UNC5A: variants seen among roughly 807,000 people sequenced by gnomAD.
The protein encoded by UNC5A is netrin receptor UNC5A.
A neutral mutation model predicts 87.4 loss-of-function variants in UNC5A; 20 were observed. The observed-to-expected ratio is 0.23, with a 90% CI of 0.16 to 0.33. The LOEUF (loss-of-function observed/expected upper bound fraction) is 0.33. Ranked by LOEUF, UNC5A falls within the 10% of genes least tolerant of loss-of-function variation. The probability of loss-of-function intolerance (pLI) is 1.00; values close to 1 mark genes in which losing one functional copy is unlikely to be tolerated. For synonymous variants in UNC5A, 438 were observed against 482.3 expected, an observed-to-expected ratio of 0.91 and a Z score of 1.20; for missense variants, 844 against 1,133.4, an observed-to-expected ratio of 0.74 and a Z score of 3.67.
chr5:176,830,406 T>C (rs374627101), intron 1 of UNC5A, among the ~76,000 whole-genome samples: 3 of 147,430 alleles, frequency 2.0e-5, no homozygotes, highest in South Asian at 4.4e-4. Flanking sequence ...GGTGTGTGTG[T>C]GCCAGTGCGT....
rs577693827 is a variant in UNC5A, at chr5:176,815,191, G to A, written c.70+4371G>A. On this transcript the variant is annotated intron_variant, in intron 1 of 14. Coordinates refer to ENST00000329542, the MANE Select transcript of UNC5A (RefSeq NM_133369.3). ...CAAATGGTGTCATTCACAGAGTCACGTCAAGACGTGGGCTGCTCTGCACAG... is the reference window on the plus strand; with the variant it reads ...CAAATGGTGTCATTCACAGAGTCACATCAAGACGTGGGCTGCTCTGCACAG... Among the ~76,000 whole-genome samples, 11 of 152,346 alleles carry A rather than the reference G, an allele frequency of 7.2e-5. No homozygotes were observed. The East Asian group carries it at 7.7e-4, about 11-fold the overall frequency.
chr5:176,876,695 G>A (rs1581280426), intron 8 of UNC5A, among the ~76,000 whole-genome samples: 1 of 152,234 alleles, frequency 6.6e-6, no homozygotes, highest in African/African-American at 2.4e-5. Flanking sequence ...AGGAGCAAGG[G>A]AGAGGGGAGC....
At chr5:176,843,251 T>A (rs1204886031) in intron 1 of UNC5A, among the ~76,000 whole-genome samples, 1 of 151,926 alleles carries the variant, frequency 6.6e-6, no homozygotes, top group Non-Finnish European at 1.5e-5. Context: ...GGACAGATGC[T>A]GTGGTGCGTC....
chr5:176,823,993 C>G lies in UNC5A; in HGVS notation c.70+13173C>G, dbSNP rs187651463. ...GGTGGGACTGTCAGTTATGAGAACC[C>G]AGCCTCTCCCTGGAGAAAGCACCTG... On this transcript the variant is annotated intron_variant, in intron 1 of 14. Coordinates refer to ENST00000329542, the MANE Select transcript of UNC5A (RefSeq NM_133369.3). Among the ~76,000 whole-genome samples, 1,329 of 152,344 alleles carry G rather than the reference C, an allele frequency of 8.7e-3. 22 individuals are homozygous for G. The highest frequency in any genetic ancestry group is 0.03 in the African/African-American group (1,255 of 41,582).
intron 2 of UNC5A, among the ~76,000 whole-genome samples, 153 bp downstream of exon 2, chr5:176,862,998 G>T (rs923423714): frequency 2.6e-5 from 4 of 152,242 alleles, no homozygotes; most frequent in African/African-American, 9.6e-5. Context: ...GGAGAAGGAG[G>T]GGGAGAGAGG....
chr5:176,879,787 G>C lies in UNC5A; in HGVS notation c.2430G>C (p.Arg810=). 6.2e-7 allele frequency: 1 copy of C among 1,613,380 alleles called. No individual in the cohort carries two copies. Among genetic ancestry groups the C allele is most frequent in the Non-Finnish European group, 8.5e-7 (1 of 1,179,894 alleles). The change falls in exon 15 of 15, where the codon CGG becomes CGC. Residue 810 remains arginine, a synonymous_variant. Transcript: ENST00000329542. The stretch of plus-strand genomic sequence containing the variant: ...TGATCCTCAACCTGTGGGAGGCGCG[G>C]CACTTCCCCAACGGCAACCTCAGCC... ...TAMILNLWEA[R]HFPNGNLSQL...
At chr5:176,855,316 G>A (rs1757639380) in intron 1 of UNC5A, among the ~76,000 whole-genome samples, 1 of 152,244 alleles carries the variant, frequency 6.6e-6, no homozygotes, top group African/African-American at 2.4e-5. Context: ...CTCAGCACAG[G>A]GAGAGGGTCT....
rs1352475483 is a variant in UNC5A at position 176,860,212 on chromosome 5, G to A, written c.71-2412G>A. 2.0e-5 allele frequency among the ~76,000 whole-genome samples: 3 copies of A among 152,228 alleles called. No individual in the cohort carries two copies. In the East Asian group the frequency reaches 5.8e-4, roughly 29 times the overall value. On this transcript the variant is annotated intron_variant, in intron 1 of 14. Coordinates refer to ENST00000329542, the MANE Select transcript of UNC5A (RefSeq NM_133369.3). ...GTGGGCCGGGAACCTGCCACTGGGG[G>A]GGCTTGGTGACACCTGCCTGCTCCC... is the stretch of plus-strand genomic sequence containing the variant.
rs1222900324 is a variant in UNC5A, at chr5:176,865,397, G to A, written c.292+2552G>A. ...GAATGAGCAGTCGCAGGCCCGGGCC[G>A]GCACACACACCGGGAGCCCCTGGCC... On this transcript the variant is annotated intron_variant, in intron 2 of 14. Coordinates refer to ENST00000329542, the MANE Select transcript of UNC5A (RefSeq NM_133369.3). The surrounding 1 kb of genome is among the most constrained non-coding windows in gnomAD (Gnocchi z 5.3). 7 of 352,234 alleles carry A rather than the reference G, an allele frequency of 2.0e-5. No homozygotes were observed. Among genetic ancestry groups the A allele is most frequent in the South Asian group, 6.3e-5 (3 of 47,398 alleles). 21.8% of individuals were successfully genotyped at this position (352,234 alleles called of 1,614,324 possible).
Position 176,869,017 on chromosome 5 carries a change from C to T in UNC5A, c.721+53C>T. The stretch of plus-strand genomic sequence containing the variant: ...GGAGAGGCACTGCGGTGCCCCTGGG[C>T]AGTGACATGTGGCTGGTGGGGTGAA... On this transcript the variant is annotated intron_variant, in intron 5 of 14. Transcript: ENST00000329542. The surrounding 1 kb of genome is among the most constrained non-coding windows in gnomAD (Gnocchi z 9.1). The T allele has an allele frequency of 9.8e-6, 15 of 1,531,022 alleles. No individual in the cohort carries two copies. The highest frequency in any genetic ancestry group is 1.3e-5 in the Non-Finnish European group (15 of 1,137,130). 94.8% of individuals were successfully genotyped at this position (1,531,022 alleles called of 1,614,324 possible). A position where few individuals can be genotyped will look rare whatever the true frequency, so the allele number is the denominator to read the frequency against.
Position 176,880,040 on chromosome 5 carries a change from C to A in UNC5A, c.*154C>A. ...GTCCCTTAATGCTGGTCCTTCAGACCCTGCCCGAACTCCCACCTCTCCATG... is the reference window on the plus strand; with the variant it reads ...GTCCCTTAATGCTGGTCCTTCAGACACTGCCCGAACTCCCACCTCTCCATG... On this transcript the variant is annotated 3_prime_UTR_variant, in exon 15 of 15. Transcript: ENST00000329542. The A allele has an allele frequency of 9.7e-7, 1 of 1,026,394 alleles. No individual in the cohort carries two copies. The highest frequency in any genetic ancestry group is 1.4e-6 in the Non-Finnish European group (1 of 729,410). 63.6% of individuals were successfully genotyped at this position (1,026,394 alleles called of 1,614,324 possible). A position where few individuals can be genotyped will look rare whatever the true frequency, so the allele number is the denominator to read the frequency against.
chr5:176,862,491 C>T, intron 1 of UNC5A, 133 bp from the exon 2 acceptor site: 1 of 869,470 alleles, frequency 1.2e-6, no homozygotes, highest in Middle Eastern at 3.3e-4. Flanking sequence ...GATTGCCCAG[C>T]TGGGACATGG....
In UNC5A at chr5:176,841,858, A is replaced by G. The variant is rs1331601355; in HGVS notation, c.71-20766A>G. Reference sequence around the variant, plus strand: ...ACTAATGATCAGGGAAATGCAAGTCAAAACCACAATGCGATACCACCTTAC... The same window carrying G: ...ACTAATGATCAGGGAAATGCAAGTCGAAACCACAATGCGATACCACCTTAC... On this transcript the variant is annotated intron_variant, in intron 1 of 14. Coordinates refer to ENST00000329542, the MANE Select transcript of UNC5A (RefSeq NM_133369.3). The surrounding 1 kb of genome is among the most constrained non-coding windows in gnomAD (Gnocchi z 4.1). 3.3e-5 allele frequency among the ~76,000 whole-genome samples: 5 copies of G among 152,260 alleles called. No individual in the cohort carries two copies.
At chr5:176,840,561 G>GA (rs1757250748) in intron 1 of UNC5A, among the ~76,000 whole-genome samples, 1 of 152,184 alleles carries the variant, frequency 6.6e-6, no homozygotes, top group African/African-American at 2.4e-5. Context: ...CCCTGTCTAG[G>GA]ATCCATTGGT....
chr5:176,836,838 T>C (rs1167472301), intron 1 of UNC5A, among the ~76,000 whole-genome samples: 1 of 152,192 alleles, frequency 6.6e-6, no homozygotes, highest in African/African-American at 2.4e-5. Context: ...TGATACAGGC[T>C]GGAAATATAA....
At chr5:176,862,394 C>T (rs888039661) in intron 1 of UNC5A, among the ~76,000 whole-genome samples, 4 of 152,226 alleles carry the variant, frequency 2.6e-5, no homozygotes, top group African/African-American at 7.2e-5. Context: ...CACCTCACCA[C>T]GGTCTTCAGG....
chr5:176,857,451 C>T (rs924863279), intron 1 of UNC5A, among the ~76,000 whole-genome samples: 2 of 152,160 alleles, frequency 1.3e-5, no homozygotes, highest in Non-Finnish European at 2.9e-5. Flanking sequence ...TGCTTCCCCT[C>T]CTTTCTGTAG....
chr5:176,840,501 T>C (rs1757248904), intron 1 of UNC5A, among the ~76,000 whole-genome samples: 1 of 152,196 alleles, frequency 6.6e-6, no homozygotes, highest in South Asian at 2.1e-4. Context: ...TGCAAGGGGG[T>C]GACCACATCT....
chr5:176,811,186 C>G (rs545286110), intron 1 of UNC5A, among the ~76,000 whole-genome samples: 1 of 152,318 alleles, frequency 6.6e-6, no homozygotes, highest in South Asian at 2.1e-4. Flanking sequence ...GGTTTTGAGC[C>G]TATCCCAGTG....
Sources: allele counts gnomAD v4.1 joint callset (sites outside exome capture counted in the v4.1 genomes callset), GRCh38; gene constraint gnomAD v4.1.1; non-coding constraint Gnocchi (gnomAD v3.1); transcripts MANE v1.5; gene names NCBI Gene and HGNC (gene_info 2026-07-23, HGNC 2026-07-21).